Variants in PRKCQ observed in about 807,000 individuals in gnomAD.
PRKCQ encodes protein kinase C theta type.
PRKCQ carries 41 observed loss-of-function variants against 91.2 expected under a neutral mutation model. That is an observed-to-expected ratio of 0.45 (90% CI 0.35 to 0.58). The LOEUF is 0.58. PRKCQ is among the 20% of genes least tolerant of loss of function. The pLI is 0.00. For synonymous variants in PRKCQ, 307 were observed against 316.9 expected (o/e 0.97, Z 0.33); for missense variants, 673 against 896.5 (o/e 0.75, Z 3.18).
intron 2 of PRKCQ, among the ~76,000 whole-genome samples, chr10:6,514,225 G>A (rs1838635459): frequency 6.6e-6 from 1 of 152,112 alleles, no homozygotes; most frequent in Admixed American, 6.6e-5. Flanking sequence ...AATGCACGTA[G>A]GGAAACAAGA....
At chr10:6,514,194 C>A (rs535861458) in intron 2 of PRKCQ, among the ~76,000 whole-genome samples, 60 of 152,252 alleles carry the variant, frequency 3.9e-4, no homozygotes, top group African/African-American at 1.4e-3. Flanking sequence ...TCATTCCCTA[C>A]AAAGTGTCTG....
At chr10:6,434,510 C>G (rs1024522060) in intron 16 of PRKCQ, among the ~76,000 whole-genome samples, 8 of 152,234 alleles carry the variant, frequency 5.3e-5, no homozygotes, top group Non-Finnish European at 8.8e-5. Context: ...ACTCAACCCA[C>G]TGAGGTCCTG....
intron 1 of PRKCQ, among the ~76,000 whole-genome samples, chr10:6,578,107 CAG>C (rs1220740313): frequency 1.3e-5 from 2 of 152,190 alleles, no homozygotes; most frequent in Admixed American, 6.5e-5. Flanking sequence ...TAACAAGAGA[CAG>C]AGAGTATTAT....
intron 15 of PRKCQ, among the ~76,000 whole-genome samples, chr10:6,445,309 G>T (rs1834222451): frequency 6.6e-6 from 1 of 151,964 alleles, no homozygotes; most frequent in Non-Finnish European, 1.5e-5. Flanking sequence ...GAGGCCCAGG[G>T]GTGCTGTGAA....
In PRKCQ at chr10:6,497,259, A is replaced by G. The variant is rs749886231; in HGVS notation, c.543-8T>C. The stretch of plus-strand genomic sequence containing the variant: ...CCCTGTTTGTTCAGGCCCCTGTAAT[A>G]AAGCACACGCTGATTTATTTCAATG... On this transcript the variant is annotated splice_region_variant and splice_polypyrimidine_tract_variant and intron_variant, in intron 5 of 17. Coordinates refer to ENST00000263125, the MANE Select transcript of PRKCQ (RefSeq NM_006257.5). This position sits in a 1 kb window ranked among gnomAD's most constrained non-coding sequence, Gnocchi z 4.5. The G allele has an allele frequency of 3.1e-6, 5 of 1,614,034 alleles. No individual in the cohort carries two copies. The highest frequency in any genetic ancestry group is 4.2e-6 in the Non-Finnish European group (5 of 1,180,028).
chr10:6,547,172 C>T (rs1327770453), intron 1 of PRKCQ, among the ~76,000 whole-genome samples: 1 of 152,126 alleles, frequency 6.6e-6, no homozygotes, highest in African/African-American at 2.4e-5. Context: ...ATCCAACTTA[C>T]AAGGGACGTG....
the PRKCQ span, among the ~76,000 whole-genome samples, chr10:6,395,920 C>G: frequency 1.3e-5 from 2 of 152,112 alleles, no homozygotes; most frequent in Non-Finnish European, 2.9e-5. Flanking sequence ...GCTCTCGTGA[C>G]GGGTCTGAAT....
intron 2 of PRKCQ, among the ~76,000 whole-genome samples, chr10:6,513,130 A>G (rs1056972344): frequency 5.9e-5 from 9 of 152,152 alleles, no homozygotes; most frequent in Non-Finnish European, 7.3e-5. Flanking sequence ...ATCTATGTAG[A>G]GTGTTACCGT....
At chr10:6,458,041 G>C (rs1007058152) in intron 14 of PRKCQ, among the ~76,000 whole-genome samples, 1 of 152,018 alleles carries the variant, frequency 6.6e-6, no homozygotes, top group African/African-American at 2.4e-5. Flanking sequence ...AACCTCTTGA[G>C]CAAGCAGTCC....
chr10:6,510,734 G>C (rs1838427505), intron 3 of PRKCQ, among the ~76,000 whole-genome samples: 1 of 152,140 alleles, frequency 6.6e-6, no homozygotes, highest in Admixed American at 6.5e-5. Context: ...TGCTTTAACA[G>C]TTTTAAATAA....
At chr10:6,501,153 C>T (rs999862970) in intron 4 of PRKCQ, among the ~76,000 whole-genome samples, 1 of 151,820 alleles carries the variant, frequency 6.6e-6, no homozygotes, top group Non-Finnish European at 1.5e-5. Flanking sequence ...AACTCATAAT[C>T]TTGGAGACCC....
intron 12 of PRKCQ, among the ~76,000 whole-genome samples, chr10:6,477,135 C>A (rs1219387650): frequency 1.3e-5 from 2 of 152,204 alleles, no homozygotes; most frequent in Non-Finnish European, 2.9e-5. Context: ...CTTTCATGCC[C>A]AAGGCCCTTT....
chr10:6,504,272 C>T (rs1173729229), intron 4 of PRKCQ, among the ~76,000 whole-genome samples: 2 of 152,160 alleles, frequency 1.3e-5, no homozygotes, highest in Admixed American at 6.5e-5. Context: ...ATTTTGTAGA[C>T]CAATACTGTG....
intron 8 of PRKCQ, among the ~76,000 whole-genome samples, chr10:6,486,726 C>A (rs1246567225): frequency 6.6e-6 from 1 of 152,240 alleles, no homozygotes; most frequent in African/African-American, 2.4e-5. Context: ...CACTTTGGGG[C>A]TCACCTGCCC....
chr10:6,568,942 C>T (rs1840937400), intron 1 of PRKCQ, among the ~76,000 whole-genome samples: 1 of 152,068 alleles, frequency 6.6e-6, no homozygotes, highest in African/African-American at 2.4e-5. Flanking sequence ...AAACATTTCC[C>T]ACCCCCTTCA....
chr10:6,470,888 T>C (rs1460168409), intron 12 of PRKCQ, among the ~76,000 whole-genome samples: 4 of 149,588 alleles, frequency 2.7e-5, no homozygotes, highest in Admixed American at 6.7e-5. Context: ...GAGGTGGAGG[T>C]TGTATTGAGC....
At chr10:6,435,415 G>A (rs1833652451) in intron 16 of PRKCQ, among the ~76,000 whole-genome samples, 1 of 152,242 alleles carries the variant, frequency 6.6e-6, no homozygotes, top group Non-Finnish European at 1.5e-5. Flanking sequence ...TCAAGAATGT[G>A]GGGGCTGTTG....
chr10:6,474,201 G>C (rs1836145160), intron 12 of PRKCQ, among the ~76,000 whole-genome samples: 1 of 152,218 alleles, frequency 6.6e-6, no homozygotes, highest in Non-Finnish European at 1.5e-5. Flanking sequence ...TGGGAGTCAA[G>C]GGCAGTGATG....
At chr10:6,511,411 A>G (rs754937448) in intron 2 of PRKCQ, among the ~76,000 whole-genome samples, 2 of 152,230 alleles carry the variant, frequency 1.3e-5, no homozygotes, top group Non-Finnish European at 2.9e-5. Flanking sequence ...TTATAAGTCC[A>G]GCGTTGATAA....
Sources: gnomAD v4.1 joint callset for allele counts (sites outside exome capture counted in the v4.1 genomes callset) on GRCh38, gnomAD v4.1.1 for gene constraint, Gnocchi (gnomAD v3.1) non-coding constraint, MANE v1.5 for transcripts, NCBI Gene and HGNC (gene_info 2026-07-23, HGNC 2026-07-21) for gene names.